The following ADCK5 variants were observed in gnomAD, a reference collection of about 807,000 sequenced individuals.
The protein encoded by ADCK5 is uncharacterized aarF domain-containing protein kinase 5.
ADCK5 carries 43 observed loss-of-function variants against 64.9 expected under a neutral mutation model. The observed-to-expected ratio is 0.66, with a 90% CI of 0.52 to 0.85. The LOEUF (loss-of-function observed/expected upper bound fraction) is 0.85. ADCK5 is among the 40% of genes least tolerant of loss of function. ADCK5 has a pLI of 0.00. For missense variants in ADCK5, 760 were observed against 810.5 expected (o/e 0.94, Z 0.76); for synonymous variants, 434 against 342.8 (o/e 1.27, Z -2.94).
At chr8:144,381,027 G>A (rs6994944) in intron 2 of ADCK5, among the ~76,000 whole-genome samples, 2 of 151,266 alleles carry the variant, frequency 1.3e-5, no homozygotes, top group African/African-American at 4.9e-5. Flanking sequence ...GGCACCTCCC[G>A]CAGTCAGGAT....
intron 2 of ADCK5, among the ~76,000 whole-genome samples, chr8:144,379,732 C>T (rs1554857786): frequency 6.6e-6 from 1 of 152,160 alleles, no homozygotes; most frequent in Non-Finnish European, 1.5e-5. Context: ...GCTAGCAAAT[C>T]GGGAAGGGTG....
In ADCK5 at chr8:144,388,589, C is replaced by T. The variant is rs539418091; in HGVS notation, c.267-2082C>T. Among the ~76,000 whole-genome samples the T allele has an allele frequency of 6.5e-3, 994 of 151,904 alleles. 12 individuals carry two copies. Among genetic ancestry groups the T allele is most frequent in the African/African-American group, 0.023 (951 of 41,450 alleles). ...ACCATCCTGGCCAACACGGTGAAAC[C>T]CCATCTCTACTAAAAATACAAAAAA... On this transcript the variant is annotated intron_variant, in intron 3 of 14. Coordinates refer to ENST00000308860, the MANE Select transcript of ADCK5 (RefSeq NM_174922.5).
At position 144,392,248 on chromosome 8, in the gene ADCK5, A is replaced by G. The variant is rs1554861096; in HGVS notation, c.1176-6A>G. 13 of 1,538,660 alleles carry G rather than the reference A, an allele frequency of 8.4e-6. No individual in the cohort carries two copies. Among genetic ancestry groups the G allele is most frequent in the Non-Finnish European group, 1.7e-6 (2 of 1,146,674 alleles). ...AGCTCATGGCTGCGGGCCCATCCAC[A>G]CCCAGGGACCGCGCAGCCCTCTGCC... On this transcript the variant is annotated splice_region_variant and splice_polypyrimidine_tract_variant and intron_variant, in intron 11 of 14. Transcript: ENST00000308860.
intron 1 of ADCK5, chr8:144,375,646 T>A (rs1475509065): frequency 1.0e-6 from 1 of 985,370 alleles, no homozygotes; most frequent in Non-Finnish European, 1.2e-6. Context: ...GTGTGAGTGT[T>A]ACCACTCAGA....
At chr8:144,382,533 TTGCTGTATTCAGCAAGTATTGGGCTTC>T (rs1225606902) in intron 2 of ADCK5, among the ~76,000 whole-genome samples, 1 of 149,726 alleles carries the variant, frequency 6.7e-6, no homozygotes, top group Non-Finnish European at 1.5e-5. Context: ...TATTGGGCTC[TTGCTGTATTCAGCAAGTATTGGGCTTC>T]TGCTGTATTC....
At chr8:144,390,079 C>T (rs1247908409) in intron 3 of ADCK5, among the ~76,000 whole-genome samples, 5 of 152,060 alleles carry the variant, frequency 3.3e-5, no homozygotes, top group Non-Finnish European at 7.3e-5. Context: ...GATCCACTCA[C>T]CTCGGCCTCC....
rs375841571 is a variant in ADCK5, at chr8:144,390,903, G to A, written c.390G>A (p.Ala130=). The change falls in exon 5 of 15, where the codon GCG becomes GCA. Residue 130 remains alanine, a synonymous_variant. Coordinates refer to ENST00000308860, the MANE Select transcript of ADCK5 (RefSeq NM_174922.5). Reference sequence around the variant, plus strand: ...TGATGTCTGCGTGTCACCAGCGGGCGGCTGATGCCCTGGTGGCAGGGGCCA... The same window carrying A: ...TGATGTCTGCGTGTCACCAGCGGGCAGCTGATGCCCTGGTGGCAGGGGCCA... The part of the protein sequence containing the change: ...LEVMSACHQR[A]ADALVAGAIS... 4.8e-5 allele frequency: 77 copies of A among 1,612,858 alleles called. No individual in the cohort carries two copies. Among genetic ancestry groups the A allele is most frequent in the Non-Finnish European group, 4.6e-5 (54 of 1,179,972 alleles).
At chr8:144,375,717 T>C (rs1408512640) in intron 1 of ADCK5, 3 of 945,926 alleles carry the variant, frequency 3.2e-6, no homozygotes, top group Non-Finnish European at 2.5e-6. Flanking sequence ...CGGGAGGTGT[T>C]TCCGTTTGTG....
intron 3 of ADCK5, among the ~76,000 whole-genome samples, chr8:144,389,008 C>A (rs782420716): frequency 6.6e-6 from 1 of 152,230 alleles, no homozygotes; most frequent in Non-Finnish European, 1.5e-5. Context: ...GGAGAAGCCA[C>A]TCTGACCTCA....
At position 144,391,263 on chromosome 8, in the gene ADCK5, G is replaced by A. The variant is rs1554860441; in HGVS notation, c.673G>A (p.Val225Met). The A allele has an allele frequency of 9.3e-6, 15 of 1,612,400 alleles. No homozygotes were observed. Among genetic ancestry groups the A allele is most frequent in the East Asian group, 2.2e-5 (1 of 44,886 alleles). Residue 225 changes from valine (V) to methionine (M), a missense_variant, in exon 6 of 15, where the codon GTG becomes ATG. Around this residue, in one of 2 missense-constraint regions of ADCK5, gnomAD observed 427 missense variants for 518.4 expected, o/e 0.82. Transcript: ENST00000308860. ...HRAKLHDGTSVAVKVQYIDLR... is the reference protein window; with the variant it reads ...HRAKLHDGTSMAVKVQYIDLR... ...AGCCAAGCTGCACGATGGCACCAGC[G>A]TGGCTGTGAAGGTATATGGGGGCTG...
intron 12 of ADCK5, 27 bp from the exon 13 acceptor site, chr8:144,392,418 T>TGCC: frequency 2.5e-6 from 2 of 799,232 alleles, no homozygotes; most frequent in Non-Finnish European, 3.4e-6. Context: ...CAGAGCCCCC[T>TGCC]CCCTCCCTCC....
intron 2 of ADCK5, among the ~76,000 whole-genome samples, chr8:144,380,447 G>C (rs1393631457): frequency 6.7e-6 from 1 of 148,432 alleles, no homozygotes; most frequent in African/African-American, 2.5e-5. Context: ...TCAGGATTAT[G>C]GGCTGGGTGT....
At chr8:144,392,931 T>TC (rs1434613573) in intron 14 of ADCK5, 38 bp from the exon 15 acceptor site, 19 of 1,585,246 alleles carry the variant, frequency 1.2e-5, no homozygotes, top group Non-Finnish European at 1.5e-5. Flanking sequence ...GGGGGCCTGC[T>TC]CCCCACCCAC....
intron 3 of ADCK5, among the ~76,000 whole-genome samples, chr8:144,386,121 G>A (rs1819915123): frequency 6.6e-6 from 1 of 150,934 alleles, no homozygotes; most frequent in African/African-American, 2.4e-5. Context: ...CAATTCTCAT[G>A]CTTCGGCCTC....
In ADCK5 at chr8:144,391,986, A is replaced by G; in HGVS notation, c.1060A>G (p.Thr354Ala). 1 of 1,612,018 alleles carries G rather than the reference A, an allele frequency of 6.2e-7. No homozygotes were observed. The highest frequency in any genetic ancestry group is 1.1e-5 in the South Asian group (1 of 91,052). Residue 354 changes from threonine (T) to alanine (A), a missense_variant, in exon 10 of 15, where the codon ACC becomes GCC. By Grantham distance (58) the Thr-to-Ala change is moderately conservative. Transcript: ENST00000308860. ...GGCCTTTGCTGAGCAGATATTTTAC[A>G]CCGGCTTCATCCACTCGGACCCACA... ...IKAFAEQIFY[T>A]GFIHSDPHPG... is the part of the protein sequence containing the mutation.
upstream of ADCK5, among the ~76,000 whole-genome samples, chr8:144,373,567 G>A (rs1332896221): frequency 6.6e-6 from 1 of 152,222 alleles, no homozygotes; most frequent in Non-Finnish European, 1.5e-5. Flanking sequence ...CATGGGCACG[G>A]GAGCTGCTCC....
chr8:144,387,258 A>T (rs1210368178), intron 3 of ADCK5, among the ~76,000 whole-genome samples: 1 of 152,160 alleles, frequency 6.6e-6, no homozygotes, highest in African/African-American at 2.4e-5. Flanking sequence ...TTTTGGCAGG[A>T]ATCACACAGG....
At chr8:144,374,035 CT>C, upstream of ADCK5, 1 of 1,242,834 alleles carries the variant, frequency 8.0e-7, no homozygotes, top group Non-Finnish European at 1.0e-6. Context: ...CCCGCAGGGC[CT>C]GCTGGGCTGC....
At chr8:144,379,772 C>A (rs1216055042) in intron 2 of ADCK5, among the ~76,000 whole-genome samples, 1 of 152,134 alleles carries the variant, frequency 6.6e-6, no homozygotes, top group South Asian at 2.1e-4. Flanking sequence ...GAAGAGCAAA[C>A]CGGGTCATTC....
Sources: gnomAD v4.1 joint callset for allele counts (sites outside exome capture counted in the v4.1 genomes callset) on GRCh38, gnomAD v4.1.1 for gene constraint, gnomAD v4.1.1 regional missense constraint, MANE v1.5 for transcripts, NCBI Gene and HGNC (gene_info 2026-07-23, HGNC 2026-07-21) for gene names.